Variants in AGBL4 observed in about 807,000 individuals in gnomAD.
AGBL4 encodes the protein cytosolic carboxypeptidase 6.
Under a neutral mutation model 66.4 loss-of-function variants are expected in AGBL4, and 58 were observed. That is an observed-to-expected ratio of 0.87 (90% CI 0.71 to 1.09). The LOEUF is 1.09. Ranked by LOEUF, AGBL4 falls within the 50% of genes least tolerant of loss-of-function variation. AGBL4 has a pLI of 0.00. For synonymous variants in AGBL4, 234 were observed against 222.9 expected (o/e 1.05, Z -0.44); for missense variants, 579 against 631.0 (o/e 0.92, Z 0.88).
chr1:49,616,888 T>G (rs1460506576), intron 3 of AGBL4, among the ~76,000 whole-genome samples: 2 of 152,132 alleles, frequency 1.3e-5, no homozygotes, highest in Non-Finnish European at 2.9e-5. Context: ...ACTCATCACC[T>G]CCACTGGTAC....
At chr1:48,543,424 A>G (rs936236602) in intron 11 of AGBL4, among the ~76,000 whole-genome samples, 9 of 151,250 alleles carry the variant, frequency 6.0e-5, no homozygotes, top group Non-Finnish European at 1.0e-4. Flanking sequence ...CCATCCATCC[A>G]TCCATCTACC....
At chr1:49,363,878 A>G (rs1262158757) in intron 3 of AGBL4, among the ~76,000 whole-genome samples, 1 of 152,204 alleles carries the variant, frequency 6.6e-6, no homozygotes, top group Non-Finnish European at 1.5e-5. Context: ...GCCCTCAAAG[A>G]GCTCATAGCT....
chr1:49,892,594 C>A (rs900955456), intron 1 of AGBL4, among the ~76,000 whole-genome samples: 1 of 152,122 alleles, frequency 6.6e-6, no homozygotes, highest in Non-Finnish European at 1.5e-5. Context: ...TATCTCCCTA[C>A]CATTTCTTTT....
intron 4 of AGBL4, among the ~76,000 whole-genome samples, chr1:49,164,990 C>T (rs1307935539): frequency 6.6e-6 from 1 of 152,114 alleles, no homozygotes. Flanking sequence ...AGGCTCCTGC[C>T]TTTCCATAAA....
intron 3 of AGBL4, among the ~76,000 whole-genome samples, chr1:49,620,018 C>T (rs1168321611): frequency 6.6e-6 from 1 of 152,110 alleles, no homozygotes; most frequent in Non-Finnish European, 1.5e-5. Flanking sequence ...CATAAAAACC[C>T]TAGAAGAACA....
At chr1:48,705,351 G>T (rs527768435) in intron 6 of AGBL4, among the ~76,000 whole-genome samples, 11 of 152,236 alleles carry the variant, frequency 7.2e-5, no homozygotes, top group Admixed American at 7.2e-4. Context: ...TCTATTAGGG[G>T]ACAAAAATTC....
intron 3 of AGBL4, among the ~76,000 whole-genome samples, chr1:49,599,347 C>T (rs1331477990): frequency 6.6e-6 from 1 of 152,070 alleles, no homozygotes; most frequent in Non-Finnish European, 1.5e-5. Flanking sequence ...TGTATGTGTC[C>T]AGGAATTTAT....
At chr1:49,086,632 G>C (rs1644912174) in intron 4 of AGBL4, among the ~76,000 whole-genome samples, 1 of 151,906 alleles carries the variant, frequency 6.6e-6, no homozygotes, top group East Asian at 2.0e-4. Context: ...AAGGGGCGCA[G>C]GCTCCCATTG....
intron 9 of AGBL4, among the ~76,000 whole-genome samples, chr1:48,621,077 A>G (rs1645405786): frequency 6.6e-6 from 1 of 152,174 alleles, no homozygotes; most frequent in Admixed American, 6.5e-5. Flanking sequence ...GAGAGGGATC[A>G]AAGTAGGAAA....
At chr1:50,008,201 T>C (rs1452410911) in intron 1 of AGBL4, among the ~76,000 whole-genome samples, 1 of 152,208 alleles carries the variant, frequency 6.6e-6, no homozygotes, top group African/African-American at 2.4e-5. Flanking sequence ...TTTCAACCAA[T>C]GGCTGCAGAA....
intron 1 of AGBL4, among the ~76,000 whole-genome samples, chr1:49,952,986 A>G (rs1321950725): frequency 6.6e-6 from 1 of 151,906 alleles, no homozygotes; most frequent in Non-Finnish European, 1.5e-5. Context: ...CTGAAAACCA[A>G]CCTCCATGAG....
intron 1 of AGBL4, among the ~76,000 whole-genome samples, chr1:49,981,019 T>C (rs1036182176): frequency 1.3e-5 from 2 of 152,202 alleles, no homozygotes; most frequent in Non-Finnish European, 2.9e-5. Context: ...ATTACTTTAA[T>C]TGAGTATTAC....
chr1:49,379,160 T>C (rs376818892), intron 3 of AGBL4, among the ~76,000 whole-genome samples: 23 of 152,096 alleles, frequency 1.5e-4, no homozygotes, highest in African/African-American at 5.1e-4. Context: ...ACAATCAGAA[T>C]TCTCATCCTG....
At chr1:48,715,707 G>GTA (rs386366925) in intron 6 of AGBL4, among the ~76,000 whole-genome samples, 1 of 151,638 alleles carries the variant, frequency 6.6e-6, no homozygotes, top group Non-Finnish European at 1.5e-5. Context: ...AAAAAAATGT[G>GTA]TTTCCTTTAT....
chr1:50,014,183 CAA>C (rs1481452954), intron 1 of AGBL4, among the ~76,000 whole-genome samples: 1 of 151,778 alleles, frequency 6.6e-6, no homozygotes, highest in African/African-American at 2.4e-5. Context: ...CCATCATGGC[CAA>C]CACGGTGAAA....
intron 3 of AGBL4, among the ~76,000 whole-genome samples, chr1:49,365,682 T>C (rs1171677012): frequency 2.6e-5 from 4 of 152,108 alleles, no homozygotes; most frequent in African/African-American, 4.8e-5. Context: ...GTGATAATTA[T>C]GATTTTTCAA....
At chr1:49,705,648 GGTCATTCAGTA>G (rs1647196229) in intron 2 of AGBL4, among the ~76,000 whole-genome samples, 1 of 152,158 alleles carries the variant, frequency 6.6e-6, no homozygotes. Context: ...TCCAGCTTTT[GGTCATTCAGTA>G]TGATATTGGC....
At chr1:48,759,494 G>C (rs539051610) in intron 6 of AGBL4, 3 of 999,770 alleles carry the variant, frequency 3.0e-6, no homozygotes, top group East Asian at 5.7e-5. Context: ...AGTGGGGAAG[G>C]GGCTTGCCCA....
intron 5 of AGBL4, among the ~76,000 whole-genome samples, chr1:48,965,279 C>G (rs1658325363): frequency 6.6e-6 from 1 of 152,028 alleles, no homozygotes; most frequent in South Asian, 2.1e-4. Context: ...TAGAGCAACT[C>G]CATTCTTTGG....
Sources: allele counts gnomAD v4.1 joint callset (sites outside exome capture counted in the v4.1 genomes callset), GRCh38; gene constraint gnomAD v4.1.1; transcripts MANE v1.5; gene names NCBI Gene and HGNC (gene_info 2026-07-23, HGNC 2026-07-21).